ATXN1: variants seen among roughly 807,000 people sequenced by gnomAD.
ATXN1 encodes ataxin-1.
Under a neutral mutation model 56.4 loss-of-function variants are expected in ATXN1, and 8 were observed. The ratio of observed to expected loss-of-function variants is 0.14; its 90% CI spans 0.08 to 0.26. ATXN1 has a LOEUF of 0.26. ATXN1 is among the 10% of genes least tolerant of loss of function. The pLI is 1.00. For synonymous variants in ATXN1, 514 were observed against 494.6 expected (o/e 1.04, Z -0.52); for missense variants, 987 against 1,106.5 (o/e 0.89, Z 1.53).
intron 2 of ATXN1, among the ~76,000 whole-genome samples, chr6:16,658,605 C>A (rs903893676): frequency 1.3e-4 from 20 of 152,228 alleles, no homozygotes; most frequent in Non-Finnish European, 2.1e-4. Context: ...CAAGGTCACT[C>A]TGAAAAGTTC....
At chr6:16,666,842 G>A (rs1246211058) in intron 2 of ATXN1, 1 of 151,914 alleles carries the variant, frequency 6.6e-6, no homozygotes, top group East Asian at 1.9e-4. Context: ...TCCAATCTAG[G>A]CTTTAAGAAT....
At chr6:16,517,173 C>G (rs1317480934) in intron 5 of ATXN1, among the ~76,000 whole-genome samples, 2 of 152,224 alleles carry the variant, frequency 1.3e-5, no homozygotes, top group African/African-American at 4.8e-5. Flanking sequence ...CATGGCTCAT[C>G]ATTTTTACTT....
At chr6:16,428,484 G>A (rs936229993) in intron 6 of ATXN1, among the ~76,000 whole-genome samples, 22 of 146,836 alleles carry the variant, frequency 1.5e-4, no homozygotes, top group African/African-American at 5.5e-4. Context: ...GCCATTGAAA[G>A]TAATGGCAAA....
chr6:16,318,062 A>G (rs1234901302), intron 7 of ATXN1, among the ~76,000 whole-genome samples: 2 of 152,252 alleles, frequency 1.3e-5, no homozygotes, highest in East Asian at 3.8e-4. Flanking sequence ...CTATGCACAT[A>G]CACGCATATT....
At chr6:16,696,187 T>G (rs1759161738) in intron 2 of ATXN1, among the ~76,000 whole-genome samples, 1 of 152,180 alleles carries the variant, frequency 6.6e-6, no homozygotes, top group African/African-American at 2.4e-5. Context: ...TGAGAATTAA[T>G]GTATATGATT....
intron 2 of ATXN1, among the ~76,000 whole-genome samples, chr6:16,703,456 T>A (rs896311978): frequency 1.3e-5 from 2 of 152,190 alleles, no homozygotes; most frequent in Admixed American, 1.3e-4. Context: ...GTTGTGCACA[T>A]CTACCCTAAA....
chr6:16,752,916 G>A (rs16879023), intron 2 of ATXN1: 30,618 of 227,940 alleles, frequency 0.13, 2,284 homozygotes, highest in East Asian at 0.25. Context: ...TGGTAGCATA[G>A]CATTCTTAAT....
chr6:16,644,148 G>A (rs1173576545), intron 3 of ATXN1, among the ~76,000 whole-genome samples: 1 of 152,176 alleles, frequency 6.6e-6, no homozygotes, highest in Admixed American at 6.5e-5. Flanking sequence ...TCGGGATGAT[G>A]AAAAAGTTCT....
At chr6:16,674,411 G>C (rs535330971) in intron 2 of ATXN1, among the ~76,000 whole-genome samples, 1 of 134,638 alleles carries the variant, frequency 7.4e-6, no homozygotes, top group Non-Finnish European at 1.5e-5. Flanking sequence ...GTGTGATCTC[G>C]GCTCACTGCA....
intron 6 of ATXN1, among the ~76,000 whole-genome samples, chr6:16,481,388 G>A (rs533708599): frequency 6.6e-6 from 1 of 152,084 alleles, no homozygotes; most frequent in African/African-American, 2.4e-5. Flanking sequence ...TAGAGTGTGC[G>A]TGTGTGTGCA....
chr6:16,641,030 A>ACATT (rs1198074090), intron 3 of ATXN1, among the ~76,000 whole-genome samples: 5 of 152,238 alleles, frequency 3.3e-5, no homozygotes, highest in African/African-American at 1.2e-4. Flanking sequence ...AACCAGCCAT[A>ACATT]CATTCCCTTA....
At chr6:16,636,885 T>A (rs1763607129) in intron 3 of ATXN1, among the ~76,000 whole-genome samples, 1 of 152,194 alleles carries the variant, frequency 6.6e-6, no homozygotes, top group Admixed American at 6.5e-5. Flanking sequence ...GGAACACTTT[T>A]ACACTGTTGG....
intron 6 of ATXN1, among the ~76,000 whole-genome samples, chr6:16,340,706 C>T (rs1217042956): frequency 2.6e-5 from 4 of 152,198 alleles, no homozygotes; most frequent in Non-Finnish European, 5.9e-5. Flanking sequence ...GATGGTTATA[C>T]ACTTAAATAG....
intron 6 of ATXN1, among the ~76,000 whole-genome samples, chr6:16,429,386 A>AAAAC (rs773674681): frequency 6.7e-6 from 1 of 149,794 alleles, no homozygotes; most frequent in African/African-American, 2.5e-5. Flanking sequence ...TTAAAAAAAA[A>AAAAC]AACAACCAGT....
intron 1 of ATXN1, 73 bp downstream of exon 1, chr6:16,761,225 A>G (rs1761089425): frequency 2.5e-6 from 1 of 396,906 alleles, no homozygotes; most frequent in South Asian, 1.8e-5. Flanking sequence ...GAGGGATTTT[A>G]ATCTAAATAA....
intron 2 of ATXN1, among the ~76,000 whole-genome samples, chr6:16,731,011 C>T (rs533661438): frequency 6.6e-6 from 1 of 152,140 alleles, no homozygotes; most frequent in African/African-American, 2.4e-5. Flanking sequence ...ATGTCATTAA[C>T]GTTGCACAAT....
chr6:16,402,051 C>T (rs1031044393), intron 6 of ATXN1, among the ~76,000 whole-genome samples: 24 of 152,032 alleles, frequency 1.6e-4, no homozygotes, highest in African/African-American at 5.6e-4. Flanking sequence ...ACCATCAGAT[C>T]TCGTGAGACT....
chr6:16,543,399 G>A (rs1237072872), intron 4 of ATXN1, among the ~76,000 whole-genome samples: 1 of 152,102 alleles, frequency 6.6e-6, no homozygotes, highest in East Asian at 1.9e-4. Flanking sequence ...CCCCCTCTGT[G>A]TGTATTTTTA....
chr6:16,452,731 T>A (rs573159033), intron 6 of ATXN1, among the ~76,000 whole-genome samples: 1 of 152,388 alleles, frequency 6.6e-6, no homozygotes, highest in South Asian at 2.1e-4. Flanking sequence ...GTTCTTATAG[T>A]ACATCTATTC....
Sources: gnomAD v4.1 joint callset for allele counts (sites outside exome capture counted in the v4.1 genomes callset) on GRCh38, gnomAD v4.1.1 for gene constraint, MANE v1.5 for transcripts, NCBI Gene and HGNC (gene_info 2026-07-23, HGNC 2026-07-21) for gene names.